Variants in CACNA2D1 observed in about 807,000 individuals in gnomAD.
CACNA2D1 encodes the protein voltage-dependent calcium channel subunit alpha-2/delta-1.
A neutral mutation model predicts 171.5 loss-of-function variants in CACNA2D1; 53 were observed. The observed-to-expected ratio is 0.31, with a 90% CI of 0.25 to 0.39. The LOEUF is 0.39. Ranked by LOEUF, CACNA2D1 falls within the 10% of genes least tolerant of loss-of-function variation. The pLI is 1.00. For synonymous variants in CACNA2D1, 442 were observed against 443.1 expected (o/e 1.00, Z 0.03); for missense variants, 903 against 1,299.8 (o/e 0.69, Z 4.69).
At position 82,421,834 on chromosome 7, in the gene CACNA2D1, T is replaced by C. The variant is rs556962948; in HGVS notation, c.95+21531A>G. On this transcript the variant is annotated intron_variant, in intron 1 of 38. Coordinates refer to ENST00000356860, the MANE Select transcript of CACNA2D1 (RefSeq NM_000722.4). ...AACACACAGAATCTTATTTCAGGAC[T>C]ATCTGAAGTCTACAGAATGATCTTA... 9.3e-4 allele frequency among the ~76,000 whole-genome samples: 142 copies of C among 152,338 alleles called. 2 individuals are homozygous for C. The South Asian group carries it at 0.017, about 18-fold the overall frequency.
chr7:82,098,536 T>C (rs1287549410), intron 6 of CACNA2D1, among the ~76,000 whole-genome samples: 1 of 152,190 alleles, frequency 6.6e-6, no homozygotes, highest in Non-Finnish European at 1.5e-5. Flanking sequence ...TGCTGTGCAC[T>C]TGGAGAATAA....
At chr7:82,013,915 C>A (rs1385270150) in intron 13 of CACNA2D1, among the ~76,000 whole-genome samples, 1 of 151,866 alleles carries the variant, frequency 6.6e-6, no homozygotes, top group Non-Finnish European at 1.5e-5. Context: ...CAGTTCATTT[C>A]TCAAATTAAC....
At chr7:82,217,714 C>A (rs1358463859) in intron 3 of CACNA2D1, among the ~76,000 whole-genome samples, 1 of 149,254 alleles carries the variant, frequency 6.7e-6, no homozygotes, top group Non-Finnish European at 1.5e-5. Flanking sequence ...AAAATAAAAA[C>A]AAAAATAAAT....
At chr7:82,171,475 T>C (rs1339693946) in intron 3 of CACNA2D1, among the ~76,000 whole-genome samples, 1 of 152,070 alleles carries the variant, frequency 6.6e-6, no homozygotes, top group Non-Finnish European at 1.5e-5. Context: ...TATCAGCCCT[T>C]GCAAACTACT....
At chr7:82,096,211 C>T in intron 6 of CACNA2D1, among the ~76,000 whole-genome samples, 1 of 152,142 alleles carries the variant, frequency 6.6e-6, no homozygotes, top group East Asian at 1.9e-4. Flanking sequence ...TCACAACTCC[C>T]TTTACAGCAG....
At chr7:82,207,588 T>C (rs998700081) in intron 3 of CACNA2D1, among the ~76,000 whole-genome samples, 11 of 152,058 alleles carry the variant, frequency 7.2e-5, no homozygotes, top group African/African-American at 2.4e-4. Flanking sequence ...ATTTGGAGGC[T>C]GCAGTTTTTT....
intron 2 of CACNA2D1, among the ~76,000 whole-genome samples, chr7:82,345,313 G>A (rs1819119806): frequency 6.6e-6 from 1 of 152,066 alleles, no homozygotes; most frequent in Non-Finnish European, 1.5e-5. Context: ...TAAAGGTATT[G>A]GTTTTGAAAC....
At chr7:82,369,374 A>G (rs1277648639) in intron 1 of CACNA2D1, among the ~76,000 whole-genome samples, 1 of 151,630 alleles carries the variant, frequency 6.6e-6, no homozygotes, top group African/African-American at 2.4e-5. Flanking sequence ...TTCATCTAGT[A>G]TATGGACTAC....
intron 15 of CACNA2D1, among the ~76,000 whole-genome samples, chr7:82,009,588 T>C (rs1250711875): frequency 6.6e-6 from 1 of 152,156 alleles, no homozygotes; most frequent in Non-Finnish European, 1.5e-5. Flanking sequence ...ACAAGGTAGA[T>C]ATGGATGTAA....
intron 1 of CACNA2D1, among the ~76,000 whole-genome samples, chr7:82,403,696 T>C (rs530784582): frequency 6.6e-6 from 1 of 152,292 alleles, no homozygotes; most frequent in Admixed American, 6.5e-5. Flanking sequence ...TAACATGGAA[T>C]CAGCACCCCT....
Position 82,443,380 on chromosome 7 carries a change from A to C in CACNA2D1, c.80T>G (p.Phe27Cys). Reference sequence around the variant, plus strand: ...GCCGACTTACGTGACGGCCGAAGGGAACGGCTCCTCCGACGAGGGGCCGAT... The same window carrying C: ...GCCGACTTACGTGACGGCCGAAGGGCACGGCTCCTCCGACGAGGGGCCGAT... ...LLIGPSSEEP[F>C]PSAVTIKSWV... Residue 27 changes from phenylalanine (F) to cysteine (C), a missense_variant, in exon 1 of 39, where the codon TTC (phenylalanine) becomes TGC (cysteine). Phe to Cys is a radical substitution (Grantham distance 205). Transcript: ENST00000356860. 1.2e-6 allele frequency: 2 copies of C among 1,602,898 alleles called. No homozygotes were observed. The highest frequency in any genetic ancestry group is 8.5e-7 in the Non-Finnish European group (1 of 1,174,724).
intron 7 of CACNA2D1, among the ~76,000 whole-genome samples, chr7:82,066,871 G>T (rs1334894294): frequency 6.6e-6 from 1 of 151,966 alleles, no homozygotes; most frequent in South Asian, 2.1e-4. Flanking sequence ...AATGAAAATT[G>T]TGCTTTCAAT....
At chr7:82,297,076 A>AAAAAAAAAAAAAAAAAAAAAAAAAAAAAG (rs1812386530) in intron 3 of CACNA2D1, among the ~76,000 whole-genome samples, 1 of 72,386 alleles carries the variant, frequency 1.4e-5, no homozygotes, top group Non-Finnish European at 3.4e-5. Context: ...GTCTACCAAA[A>AAAAAAAAAAAAAAAAAAAAAAAAAAAAAG]AAAAAAAAAA....
chr7:82,297,072 CAAAAA>C lies in CACNA2D1; in HGVS notation c.294+38058_294+38062del, dbSNP rs57473351. Reference sequence around the variant, plus strand: ...AAACATAGTGAGGCTCTGTGTCTACCAAAAAAAAAAAAAAAAAAAAAAAAATTAGC... The same window carrying C: ...AAACATAGTGAGGCTCTGTGTCTACCAAAAAAAAAAAAAAAAAAAATTAGC... On this transcript the variant is annotated intron_variant, in intron 3 of 38. Transcript: ENST00000356860. Among the ~76,000 whole-genome samples, 401 of 72,246 alleles carry C rather than the reference CAAAAA, an allele frequency of 5.6e-3. 13 individuals are homozygous for C. In the East Asian group the frequency reaches 0.093, roughly 17 times the overall value. The allele number at this position is 72,246 out of a possible 152,430, so 47.4% of individuals were successfully genotyped here.
intron 3 of CACNA2D1, among the ~76,000 whole-genome samples, chr7:82,294,015 CTCTTT>C (rs1412978236): frequency 5.3e-5 from 8 of 152,244 alleles, no homozygotes; most frequent in African/African-American, 1.7e-4. Flanking sequence ...ACACTATCTT[CTCTTT>C]TATCATCTTT....
intron 3 of CACNA2D1, among the ~76,000 whole-genome samples, chr7:82,282,387 C>T (rs1334868545): frequency 1.3e-5 from 2 of 152,008 alleles, no homozygotes; most frequent in Admixed American, 6.6e-5. Context: ...TGGGGAATAT[C>T]GGAATTGAAA....
At chr7:82,071,995 T>C (rs1486158412) in intron 7 of CACNA2D1, among the ~76,000 whole-genome samples, 1 of 152,138 alleles carries the variant, frequency 6.6e-6, no homozygotes, top group African/African-American at 2.4e-5. Context: ...CTGGACAACA[T>C]CATGGACCAG....
chr7:82,368,995 T>A (rs1822052064), intron 1 of CACNA2D1, among the ~76,000 whole-genome samples: 1 of 152,164 alleles, frequency 6.6e-6, no homozygotes, highest in Non-Finnish European at 1.5e-5. Context: ...ATTTTTCCAA[T>A]TTACAGACAC....
chr7:82,437,257 A>G (rs893986930), intron 1 of CACNA2D1, among the ~76,000 whole-genome samples: 17 of 152,188 alleles, frequency 1.1e-4, no homozygotes, highest in Admixed American at 3.3e-4. Context: ...GAGAGAAACC[A>G]GAATTTATTA....
Sources: allele counts gnomAD v4.1 joint callset (sites outside exome capture counted in the v4.1 genomes callset), GRCh38; gene constraint gnomAD v4.1.1; transcripts MANE v1.5; gene names NCBI Gene and HGNC (gene_info 2026-07-23, HGNC 2026-07-21).